The following STXBP3 variants were observed in gnomAD, a reference collection of about 807,000 sequenced individuals.
The protein encoded by STXBP3 is syntaxin-binding protein 3.
In STXBP3, 41 loss-of-function variants were observed where a neutral mutation model predicts 85.7. The observed-to-expected ratio is 0.48, with a 90% CI of 0.37 to 0.62. The LOEUF (loss-of-function observed/expected upper bound fraction) is 0.62, where lower values mean the gene tolerates loss of function less well. Among genes scored for constraint, STXBP3 ranks in the 20% least tolerant of loss-of-function variants. The probability of loss-of-function intolerance (pLI) is 0.00; values close to 1 mark genes in which losing one functional copy is unlikely to be tolerated. For missense variants in STXBP3, 563 were observed against 703.1 expected, an observed-to-expected ratio of 0.80 and a Z score of 2.25; for synonymous variants, 229 against 231.7, an observed-to-expected ratio of 0.99 and a Z score of 0.10.
At chr1:108,765,591 T>TTTTTTTTTTTTTTTTTTTTTTTTTC (rs796642937) in intron 6 of STXBP3, among the ~76,000 whole-genome samples, 2 of 122,654 alleles carry the variant, frequency 1.6e-5, no homozygotes, top group African/African-American at 3.1e-5. Flanking sequence ...TTTTTTTTTT[T>TTTTTTTTTTTTTTTTTTTTTTTTTC]TGAGACGGAG....
intron 6 of STXBP3, among the ~76,000 whole-genome samples, chr1:108,770,680 A>G (rs1662371469): frequency 6.6e-6 from 1 of 152,214 alleles, no homozygotes; most frequent in Non-Finnish European, 1.5e-5. Flanking sequence ...TTTCACTTAC[A>G]ATAAATTTTC....
In STXBP3 at chr1:108,807,499, G is replaced by A. The variant is rs1663364505; in HGVS notation, c.1634G>A (p.Arg545His). The A allele has an allele frequency of 6.2e-7, 1 of 1,612,576 alleles. No individual in the cohort carries two copies. Among genetic ancestry groups the A allele is most frequent in the Non-Finnish European group, 8.5e-7 (1 of 1,179,622 alleles). The change falls in exon 18 of 19, where the codon CGT (arginine) becomes CAT (histidine). Residue 545 changes from arginine to histidine, a missense_variant. Physicochemically the swap from Arg to His is conservative, Grantham distance 29. Coordinates refer to ENST00000370008, the MANE Select transcript of STXBP3 (RefSeq NM_007269.4). ...GGAGGGATCACATACTCTGAAGTGCGTTGTGCTTATGAAGTTTCTCAGGCA... is the reference window on the plus strand; with the variant it reads ...GGAGGGATCACATACTCTGAAGTGCATTGTGCTTATGAAGTTTCTCAGGCA... Reference protein sequence around the residue: ...VIGGITYSEVRCAYEVSQAHK... With the variant: ...VIGGITYSEVHCAYEVSQAHK...
At chr1:108,796,485 T>C in intron 14 of STXBP3, 113 bp downstream of exon 14, 2 of 1,172,478 alleles carry the variant, frequency 1.7e-6, no homozygotes, top group South Asian at 1.6e-5. Context: ...AAATATGAAA[T>C]CGAGAGAAGA....
intron 11 of STXBP3, among the ~76,000 whole-genome samples, chr1:108,792,419 T>C (rs552936597): frequency 6.6e-6 from 1 of 152,360 alleles, no homozygotes; most frequent in East Asian, 1.9e-4. Context: ...ATGAGGCATG[T>C]AATATGTTTA....
chr1:108,796,609 A>T lies in STXBP3; in HGVS notation c.1250-11A>T. The T allele has an allele frequency of 6.2e-7, 1 of 1,608,810 alleles. No homozygotes were observed. Among genetic ancestry groups the T allele is most frequent in the South Asian group, 1.1e-5 (1 of 90,466 alleles). On this transcript the variant is annotated splice_polypyrimidine_tract_variant and intron_variant, in intron 14 of 18. Coordinates refer to ENST00000370008, the MANE Select transcript of STXBP3 (RefSeq NM_007269.4). Reference sequence around the variant, plus strand: ...TGTGTGATTGTGCACTCATATTTTTACCTATTTAAGGAACTACGGAAGAAA... The same window carrying T: ...TGTGTGATTGTGCACTCATATTTTTTCCTATTTAAGGAACTACGGAAGAAA...
intron 1 of STXBP3, among the ~76,000 whole-genome samples, chr1:108,747,110 G>GCCGCGCTCCCCCCTCTTCTCCGCTCCCGT (rs1661803775): frequency 2.7e-5 from 4 of 147,514 alleles, no homozygotes; most frequent in South Asian, 2.2e-4. Flanking sequence ...CGTGCCCTCG[G>GCCGCGCTCCCCCCTCTTCTCCGCTCCCGT]CCGCGCTCCC....
chr1:108,781,008 T>TC (rs1401741992), intron 9 of STXBP3: 1 of 152,164 alleles, frequency 6.6e-6, no homozygotes, highest in Non-Finnish European at 1.5e-5. Context: ...CCTCACATGA[T>TC]CCACCCACCT....
chr1:108,777,406 C>CA, intron 8 of STXBP3, among the ~76,000 whole-genome samples: 1 of 152,068 alleles, frequency 6.6e-6, no homozygotes, highest in South Asian at 2.1e-4. Context: ...GAGAAAAAGG[C>CA]AAAATCCACA....
chr1:108,785,853 C>G (rs1036281994), intron 11 of STXBP3, among the ~76,000 whole-genome samples: 20 of 152,292 alleles, frequency 1.3e-4, no homozygotes, highest in African/African-American at 3.8e-4. Flanking sequence ...TGCTCTAGTT[C>G]CCAAGAAGTT....
chr1:108,803,037 G>A (rs1227097697), intron 17 of STXBP3, among the ~76,000 whole-genome samples: 2 of 152,206 alleles, frequency 1.3e-5, no homozygotes, highest in African/African-American at 2.4e-5. Context: ...ACAGTATGCA[G>A]TGAGCATTCT....
intron 15 of STXBP3, 66 bp downstream of exon 15, chr1:108,796,792 G>GT (rs35138668): frequency 0.064 from 55,288 of 867,988 alleles, 35 homozygotes; most frequent in Non-Finnish European, 0.07. Flanking sequence ...TGTATTAACT[G>GT]TTTTTTTTTT....
intron 6 of STXBP3, among the ~76,000 whole-genome samples, chr1:108,765,566 G>GC (rs1662242885): frequency 1.3e-5 from 1 of 75,326 alleles, no homozygotes; most frequent in Non-Finnish European, 2.7e-5. Context: ...AGCACCACAT[G>GC]CTAATTTTTT....
chr1:108,790,879 A>G (rs1256122813), intron 11 of STXBP3, among the ~76,000 whole-genome samples: 1 of 152,096 alleles, frequency 6.6e-6, no homozygotes, highest in Non-Finnish European at 1.5e-5. Context: ...ACTTCAATGT[A>G]TGTTATAAAC....
chr1:108,796,164 A>T (rs117235852), intron 13 of STXBP3, 70 bp from the exon 14 acceptor site: 1 of 1,538,696 alleles, frequency 6.5e-7, no homozygotes, highest in Admixed American at 1.8e-5. Flanking sequence ...TACCCAGCCA[A>T]TAATAGATGT....
Position 108,808,821 on chromosome 1 carries a change from G to C in STXBP3, c.1723G>C (p.Asp575His), listed in dbSNP as rs754720406. The C allele has an allele frequency of 6.2e-7, 1 of 1,613,014 alleles. No individual in the cohort carries two copies. The change falls in exon 19 of 19, where the codon GAT becomes CAT. Residue 575 changes from aspartate to histidine, a missense_variant. Around this residue, in one of 3 missense-constraint regions of STXBP3, gnomAD observed 494 missense variants for 592.8 expected, o/e 0.83. Coordinates refer to ENST00000370008, the MANE Select transcript of STXBP3 (RefSeq NM_007269.4). Reference protein sequence around the residue: ...HVLTPKKLLDDIKMLNKPKDK... With the variant: ...HVLTPKKLLDHIKMLNKPKDK... ...TTTAACACCCAAAAAGCTGTTGGAT[G>C]ATATAAAGATGCTGAATAAACCCAA...
At chr1:108,780,293 A>G (rs1479287797) in intron 9 of STXBP3, 1 of 151,668 alleles carries the variant, frequency 6.6e-6, no homozygotes, top group African/African-American at 2.4e-5. Flanking sequence ...TTTTCTCTGT[A>G]TTATCTGTAT....
At chr1:108,800,076 G>A in intron 16 of STXBP3, 144 bp from the exon 17 acceptor site, 1 of 641,238 alleles carries the variant, frequency 1.6e-6, no homozygotes, top group Admixed American at 2.7e-5. Flanking sequence ...AATAAGGTTT[G>A]TGAGTTTCAA....
At chr1:108,783,377 T>C (rs1472785496) in intron 11 of STXBP3, among the ~76,000 whole-genome samples, 2 of 152,198 alleles carry the variant, frequency 1.3e-5, no homozygotes, top group Non-Finnish European at 2.9e-5. Flanking sequence ...CCTCTTGTCC[T>C]TTCCCTGTCA....
intron 11 of STXBP3, among the ~76,000 whole-genome samples, chr1:108,791,253 T>G (rs1454226340): frequency 6.6e-6 from 1 of 152,204 alleles, no homozygotes; most frequent in Non-Finnish European, 1.5e-5. Context: ...GAAGATAAAC[T>G]GTGTTTATTA....
Sources: allele counts gnomAD v4.1 joint callset (sites outside exome capture counted in the v4.1 genomes callset), GRCh38; gene constraint gnomAD v4.1.1; regional missense constraint gnomAD v4.1.1; transcripts MANE v1.5; gene names NCBI Gene and HGNC (gene_info 2026-07-23, HGNC 2026-07-21).